ZSCAN21: variants seen among roughly 807,000 people sequenced by gnomAD.
The protein encoded by ZSCAN21 is zinc finger and SCAN domain-containing protein 21.
In ZSCAN21, 26 loss-of-function variants were observed where a neutral mutation model predicts 35.6. That is an observed-to-expected ratio of 0.73 (90% CI 0.54 to 1.01). ZSCAN21 has a LOEUF of 1.01. Among genes scored for constraint, ZSCAN21 ranks in the 50% least tolerant of loss-of-function variants. ZSCAN21 has a pLI of 0.00. For missense variants in ZSCAN21, 593 were observed against 587.1 expected, an observed-to-expected ratio of 1.01 and a Z score of -0.10; for synonymous variants, 219 against 219.3, an observed-to-expected ratio of 1.00 and a Z score of 0.01.
At chr7:100,063,540 T>G (rs1468944259) in intron 3 of ZSCAN21, among the ~76,000 whole-genome samples, 2 of 152,034 alleles carry the variant, frequency 1.3e-5, no homozygotes, top group East Asian at 3.9e-4. Context: ...AGTTGGAGGT[T>G]GCAGTGAGCT....
Position 100,056,183 on chromosome 7 carries a change from C to T in ZSCAN21, c.-96-728C>T, listed in dbSNP as rs1034087632. Among the ~76,000 whole-genome samples, 4 of 151,956 alleles carry T rather than the reference C, an allele frequency of 2.6e-5. 1 individual carries two copies. The highest frequency in any genetic ancestry group is 9.7e-5 in the African/African-American group (4 of 41,334). ...CTCGATCTCCTGACCTCGTGATCCG[C>T]CCACCTCAGCACCTCCCAAAGTGCT... On this transcript the variant is annotated intron_variant, in intron 1 of 3. Transcript: ENST00000292450.
At chr7:100,062,251 T>C (rs370676323) in intron 3 of ZSCAN21, among the ~76,000 whole-genome samples, 26 of 151,938 alleles carry the variant, frequency 1.7e-4, no homozygotes, top group African/African-American at 6.0e-4. Context: ...CATTCTCCCT[T>C]GTTTTTAATC....
intron 3 of ZSCAN21, among the ~76,000 whole-genome samples, chr7:100,062,070 T>C (rs1486650792): frequency 6.6e-6 from 1 of 152,216 alleles, no homozygotes; most frequent in East Asian, 1.9e-4. Context: ...GATCACGTGC[T>C]TTCATTCTGA....
chr7:100,051,277 A>ATTTT (rs1376849857), intron 1 of ZSCAN21, among the ~76,000 whole-genome samples: 3 of 45,100 alleles, frequency 6.7e-5, no homozygotes, highest in African/African-American at 1.4e-4. Flanking sequence ...GGATCTAGGG[A>ATTTT]TTTTCTTTTT....
intron 1 of ZSCAN21, among the ~76,000 whole-genome samples, chr7:100,053,652 G>A (rs1450925804): frequency 2.0e-5 from 3 of 149,204 alleles, no homozygotes; most frequent in East Asian, 3.9e-4. Flanking sequence ...CCAGGTTCAA[G>A]TGATTCCCTG....
Position 100,064,845 on chromosome 7 carries a change from C to T in ZSCAN21, c.*228C>T, listed in dbSNP as rs371045056. ...GTTCACTGGAGCAGAGTCCCTTCGC[C>T]ACACTTAGGGTCCCAGTAAGCCATG... On this transcript the variant is annotated 3_prime_UTR_variant, in exon 4 of 4. Coordinates refer to ENST00000292450, the MANE Select transcript of ZSCAN21 (RefSeq NM_145914.3). 4 of 1,613,992 alleles carry T rather than the reference C, an allele frequency of 2.5e-6. No individual in the cohort carries two copies. The highest frequency in any genetic ancestry group is 2.2e-5 in the East Asian group (1 of 44,886).
chr7:100,060,313 C>T (rs1216523651), intron 3 of ZSCAN21, among the ~76,000 whole-genome samples: 2 of 152,032 alleles, frequency 1.3e-5, no homozygotes, highest in South Asian at 2.1e-4. Context: ...CCGGTCATCC[C>T]AGCACTTTGG....
intron 1 of ZSCAN21, among the ~76,000 whole-genome samples, chr7:100,050,824 T>A (rs1791831913): frequency 6.6e-6 from 1 of 152,126 alleles, no homozygotes. Flanking sequence ...GTTGGAAGGC[T>A]GCTATGGAGA....
chr7:100,050,427 C>G (rs533886820), intron 1 of ZSCAN21, among the ~76,000 whole-genome samples: 2 of 152,302 alleles, frequency 1.3e-5, no homozygotes, highest in South Asian at 4.1e-4. Context: ...TTGATTTGGG[C>G]CAGGCGCGGT....
At chr7:100,058,002 G>A in intron 3 of ZSCAN21, 112 bp downstream of exon 3, 1 of 1,042,796 alleles carries the variant, frequency 9.6e-7, no homozygotes, top group Non-Finnish European at 1.3e-6. Context: ...GACTTGATTA[G>A]TTGGGCTGAC....
At chr7:100,055,503 C>T (rs558552365) in intron 1 of ZSCAN21, among the ~76,000 whole-genome samples, 18 of 152,122 alleles carry the variant, frequency 1.2e-4, no homozygotes, top group Non-Finnish European at 2.4e-4. Context: ...AGGCCTGCCT[C>T]GGACTCCCAG....
intron 3 of ZSCAN21, 78 bp from the exon 4 acceptor site, chr7:100,063,710 G>A (rs1792464669): frequency 7.2e-7 from 1 of 1,387,690 alleles, no homozygotes; most frequent in Non-Finnish European, 9.8e-7. Flanking sequence ...CTCACCTGAT[G>A]GTTCTATCTC....
At position 100,064,554 on chromosome 7, in the gene ZSCAN21, C is replaced by T. The variant is rs376525199; in HGVS notation, c.1359C>T (p.Phe453=). The change falls in exon 4 of 4, where the codon TTC becomes TTT. Residue 453 remains phenylalanine (F), a synonymous_variant. Transcript: ENST00000292450. ...GGTGTCATCACTGTGGAAAGACCTT[C>T]TGTAGCAAGTCCAATCTTTCCAAAC... is the stretch of plus-strand genomic sequence containing the variant. The part of the protein sequence containing the change: ...PYWCHHCGKT[F]CSKSNLSKHQ... 6.8e-6 allele frequency: 11 copies of T among 1,614,108 alleles called. No homozygotes were observed. Among genetic ancestry groups the T allele is most frequent in the Non-Finnish European group, 7.6e-6 (9 of 1,180,052 alleles).
intron 3 of ZSCAN21, among the ~76,000 whole-genome samples, chr7:100,060,517 G>A (rs1232526029): frequency 2.6e-5 from 4 of 152,020 alleles, no homozygotes; most frequent in Non-Finnish European, 2.9e-5. Flanking sequence ...AGCCAAGATC[G>A]CGCCATTGCA....
At position 100,064,297 on chromosome 7, in the gene ZSCAN21, G is replaced by A. The variant is rs765758411; in HGVS notation, c.1102G>A (p.Ala368Thr). 1.2e-5 allele frequency: 19 copies of A among 1,614,170 alleles called. No homozygotes were observed. Among genetic ancestry groups the A allele is most frequent in the Non-Finnish European group, 1.5e-5 (18 of 1,180,038 alleles). ...ATATCAGTGCAAAGATTGTGGCAAG[G>A]CTTTCAGCGGGAAAGGCAGCCTCAT... is the stretch of plus-strand genomic sequence containing the variant. ...APYQCKDCGK[A>T]FSGKGSLIRH... Residue 368 changes from alanine to threonine, a missense_variant, in exon 4 of 4, where the codon GCT becomes ACT. Ala to Thr is a moderately conservative substitution (Grantham distance 58, BLOSUM62 0). Coordinates refer to ENST00000292450, the MANE Select transcript of ZSCAN21 (RefSeq NM_145914.3).
At chr7:100,059,633 A>G (rs1252877657) in intron 3 of ZSCAN21, among the ~76,000 whole-genome samples, 4 of 142,370 alleles carry the variant, frequency 2.8e-5, no homozygotes, top group Non-Finnish European at 4.6e-5. Flanking sequence ...GCTCAGTGCA[A>G]CCTCTGCCTC....
intron 1 of ZSCAN21, among the ~76,000 whole-genome samples, chr7:100,055,878 G>A (rs1424727550): frequency 1.4e-5 from 2 of 148,006 alleles, no homozygotes; most frequent in East Asian, 4.2e-4. Flanking sequence ...TCCTGACCTC[G>A]TGATCCGCCC....
At chr7:100,050,317 T>G (rs1452347900) in intron 1 of ZSCAN21, among the ~76,000 whole-genome samples, 3 of 152,148 alleles carry the variant, frequency 2.0e-5, no homozygotes, top group African/African-American at 7.2e-5. Context: ...CCCTCGGGCT[T>G]TGTTCGGGCT....
intron 3 of ZSCAN21, among the ~76,000 whole-genome samples, chr7:100,059,176 G>A (rs750838607): frequency 2.6e-5 from 4 of 152,116 alleles, no homozygotes; most frequent in African/African-American, 7.2e-5. Context: ...TGTCTGAAAC[G>A]TGAAACTCCA....
Sources: allele counts gnomAD v4.1 joint callset (sites outside exome capture counted in the v4.1 genomes callset), GRCh38; gene constraint gnomAD v4.1.1; transcripts MANE v1.5; gene names NCBI Gene and HGNC (gene_info 2026-07-23, HGNC 2026-07-21).